Variants in TENM2 observed in about 807,000 individuals in gnomAD.
TENM2 encodes teneurin-2.
In TENM2, 52 loss-of-function variants were observed where a neutral mutation model predicts 245.2. That is an observed-to-expected ratio of 0.21 (90% CI 0.17 to 0.27). TENM2 has a LOEUF of 0.27. TENM2 is among the 10% of genes least tolerant of loss of function. The pLI, the probability that TENM2 is intolerant of heterozygous loss-of-function variation, is 1.00. For synonymous variants in TENM2, 1,363 were observed against 1,438.9 expected (o/e 0.95, Z 1.19); for missense variants, 3,046 against 3,666.8 (o/e 0.83, Z 4.37).
intron 2 of TENM2, among the ~76,000 whole-genome samples, chr5:167,394,541 T>C (rs941633844): frequency 2.6e-5 from 4 of 152,132 alleles, no homozygotes; most frequent in Non-Finnish European, 5.9e-5. Context: ...GTTTGACACA[T>C]AGACTTATAA....
chr5:167,914,622 G>A (rs563491546), intron 3 of TENM2, among the ~76,000 whole-genome samples: 1 of 152,156 alleles, frequency 6.6e-6, no homozygotes, highest in Non-Finnish European at 1.5e-5. Context: ...CACTGAATGG[G>A]TGGCTTCAAA....
intron 5 of TENM2, among the ~76,000 whole-genome samples, chr5:168,018,027 G>A (rs1229611491): frequency 3.3e-5 from 5 of 152,174 alleles, no homozygotes; most frequent in African/African-American, 1.2e-4. Flanking sequence ...GGCAACAGAA[G>A]AGCTGTCTTT....
the TENM2 span, among the ~76,000 whole-genome samples, chr5:166,990,944 C>A: frequency 1.3e-5 from 2 of 151,714 alleles, no homozygotes; most frequent in Non-Finnish European, 2.9e-5. Context: ...AAAGAAGGCT[C>A]ATCATGTTGA....
At chr5:167,899,052 G>A (rs1775475289) in intron 3 of TENM2, among the ~76,000 whole-genome samples, 1 of 151,838 alleles carries the variant, frequency 6.6e-6, no homozygotes, top group African/African-American at 2.4e-5. Context: ...ATGAAGGGAG[G>A]GGGAAGAAGA....
intron 3 of TENM2, among the ~76,000 whole-genome samples, chr5:167,918,191 C>G (rs190877427): frequency 1.3e-5 from 2 of 152,222 alleles, no homozygotes; most frequent in East Asian, 3.9e-4. Flanking sequence ...TTATATTTCT[C>G]TTTTTATGAA....
Position 167,453,582 on chromosome 5 carries a change from A to T in TENM2, c.502+78109A>T, listed in dbSNP as rs184637767. Among the ~76,000 whole-genome samples, 507 of 152,292 alleles carry T rather than the reference A, an allele frequency of 3.3e-3. 10 individuals carry two copies. The highest frequency in any genetic ancestry group is 4.6e-4 in the Non-Finnish European group (31 of 68,028). On this transcript the variant is annotated intron_variant, in intron 2 of 28. Transcript: ENST00000518659. ...TTCTTGACTCAGTTTCTTCATTTTT[A>T]AGAAAAGCCATTAAATTAGAGACTT... is the stretch of plus-strand genomic sequence containing the variant.
chr5:168,134,296 G>A (rs1754849515), intron 12 of TENM2, among the ~76,000 whole-genome samples: 1 of 152,150 alleles, frequency 6.6e-6, no homozygotes, highest in Admixed American at 6.5e-5. Flanking sequence ...TATCTCACTG[G>A]GACATATGTA....
At chr5:168,129,434 T>G (rs758739285) in intron 12 of TENM2, 1 of 152,248 alleles carries the variant, frequency 6.6e-6, no homozygotes, top group Non-Finnish European at 1.5e-5. Context: ...AGTCTCTTGT[T>G]CAGAACGATG....
At chr5:167,061,778 C>T in the TENM2 span, among the ~76,000 whole-genome samples, 1 of 151,694 alleles carries the variant, frequency 6.6e-6, no homozygotes, top group Non-Finnish European at 1.5e-5. Flanking sequence ...TTTACTTTTG[C>T]ACCAAAAACA....
chr5:168,122,772 A>T (rs759465741), intron 10 of TENM2, among the ~76,000 whole-genome samples: 1 of 152,004 alleles, frequency 6.6e-6, no homozygotes, highest in Non-Finnish European at 1.5e-5. Flanking sequence ...AATGACTTCC[A>T]TATATAATAC....
At chr5:168,163,353 A>T (rs1213517228) in intron 13 of TENM2, among the ~76,000 whole-genome samples, 1 of 152,226 alleles carries the variant, frequency 6.6e-6, no homozygotes, top group Admixed American at 6.5e-5. Flanking sequence ...TAGTTTTAAC[A>T]TTTTTAATGG....
chr5:168,180,203 A>T (rs1378831021), intron 13 of TENM2, among the ~76,000 whole-genome samples: 1 of 152,194 alleles, frequency 6.6e-6, no homozygotes, highest in Non-Finnish European at 1.5e-5. Context: ...CTATGTTCTC[A>T]TGAACTGTTT....
At chr5:168,032,497 T>G (rs2151959031) in intron 5 of TENM2, among the ~76,000 whole-genome samples, 1 of 152,230 alleles carries the variant, frequency 6.6e-6, no homozygotes, top group South Asian at 2.1e-4. Flanking sequence ...GTTAGGACTC[T>G]TAGATTTGAA....
At chr5:167,548,216 G>A (rs751314716) in intron 2 of TENM2, among the ~76,000 whole-genome samples, 1 of 152,142 alleles carries the variant, frequency 6.6e-6, no homozygotes, top group Non-Finnish European at 1.5e-5. Flanking sequence ...CATGATTACT[G>A]GATTAGAATT....
the TENM2 span, among the ~76,000 whole-genome samples, chr5:167,133,303 C>T: frequency 1.3e-5 from 2 of 152,220 alleles, no homozygotes; most frequent in African/African-American, 2.4e-5. Context: ...CCCCAGCCAG[C>T]TCTGTCCTGA....
intron 2 of TENM2, among the ~76,000 whole-genome samples, chr5:167,746,698 A>AGAGG (rs1469690727): frequency 6.8e-6 from 1 of 146,550 alleles, no homozygotes; most frequent in Non-Finnish European, 1.5e-5. Context: ...AGAGAGAGAG[A>AGAGG]GAGAGAGAGA....
chr5:168,125,080 T>A, intron 11 of TENM2, 30 bp downstream of exon 13: 1 of 1,563,312 alleles, frequency 6.4e-7, no homozygotes, highest in Non-Finnish European at 8.7e-7. Flanking sequence ...CCTTCCTCTC[T>A]CCAACACTCC....
intron 2 of TENM2, among the ~76,000 whole-genome samples, chr5:167,733,937 A>G (rs1241363713): frequency 6.6e-6 from 1 of 152,204 alleles, no homozygotes; most frequent in Non-Finnish European, 1.5e-5. Context: ...ACTAAAGTTC[A>G]GAGATAGAAA....
At chr5:167,979,755 C>G (rs1488916409) in intron 4 of TENM2, among the ~76,000 whole-genome samples, 3 of 152,146 alleles carry the variant, frequency 2.0e-5, no homozygotes, top group African/African-American at 7.2e-5. Flanking sequence ...TGAAGAGGCT[C>G]TCACAAAACA....
Sources: gnomAD v4.1 joint callset for allele counts (sites outside exome capture counted in the v4.1 genomes callset) on GRCh38, gnomAD v4.1.1 for gene constraint, MANE v1.5 for transcripts, NCBI Gene and HGNC (gene_info 2026-07-23, HGNC 2026-07-21) for gene names.